Variants in HPSE2 observed in about 807,000 individuals in gnomAD.
HPSE2 encodes the protein heparanase 2 (inactive).
Under a neutral mutation model 60.5 loss-of-function variants are expected in HPSE2, and 38 were observed. The observed-to-expected ratio is 0.63, with a 90% CI of 0.48 to 0.82. The LOEUF (loss-of-function observed/expected upper bound fraction) is 0.82, where lower values mean the gene tolerates loss of function less well. Among genes scored for constraint, HPSE2 ranks in the 40% least tolerant of loss-of-function variants. The pLI is 0.00. For synonymous variants in HPSE2, 295 were observed against 293.2 expected, an observed-to-expected ratio of 1.01 and a Z score of -0.06; for missense variants, 713 against 740.4, an observed-to-expected ratio of 0.96 and a Z score of 0.43.
chr10:98,685,262 C>A (rs1403177330), intron 6 of HPSE2, among the ~76,000 whole-genome samples: 1 of 152,082 alleles, frequency 6.6e-6, no homozygotes, highest in Non-Finnish European at 1.5e-5. Flanking sequence ...ATTTATGGTT[C>A]TTTTTCTTAT....
intron 9 of HPSE2, among the ~76,000 whole-genome samples, chr10:98,574,501 G>A (rs1415945862): frequency 1.3e-5 from 2 of 152,112 alleles, no homozygotes; most frequent in Non-Finnish European, 2.9e-5. Context: ...AGAGAAGCAG[G>A]AGCTTTCCTT....
At chr10:98,566,134 C>A (rs956162569) in intron 9 of HPSE2, among the ~76,000 whole-genome samples, 1 of 152,182 alleles carries the variant, frequency 6.6e-6, no homozygotes, top group African/African-American at 2.4e-5. Flanking sequence ...AATACACATT[C>A]TCTTCTTGAA....
intron 6 of HPSE2, among the ~76,000 whole-genome samples, chr10:98,682,111 T>C (rs1947801436): frequency 6.6e-6 from 1 of 152,156 alleles, no homozygotes; most frequent in Admixed American, 6.5e-5. Context: ...TGGGGGCGGA[T>C]TTCTCATGAA....
chr10:98,615,623 AGG>A (rs1199698180), intron 8 of HPSE2, among the ~76,000 whole-genome samples: 1 of 152,194 alleles, frequency 6.6e-6, no homozygotes. Flanking sequence ...TTTGCAGTGG[AGG>A]ACCTGCACTG....
chr10:98,824,496 T>C (rs1173660075), intron 3 of HPSE2, among the ~76,000 whole-genome samples: 1 of 152,216 alleles, frequency 6.6e-6, no homozygotes, highest in Non-Finnish European at 1.5e-5. Flanking sequence ...TGCTAATGTC[T>C]CTTACTATCA....
rs558746050 is a variant in HPSE2, at chr10:98,898,253, T to C, written c.611-154197A>G. 9.8e-5 allele frequency among the ~76,000 whole-genome samples: 15 copies of C among 152,300 alleles called. No individual in the cohort carries two copies. The South Asian group carries it at 3.1e-3, about 32-fold the overall frequency. ...TATTCACCCAACTGATTTGAATGTTTCAGTCCACAAAGAAACCCTACATGT... is the reference window on the plus strand; with the variant it reads ...TATTCACCCAACTGATTTGAATGTTCCAGTCCACAAAGAAACCCTACATGT... On this transcript the variant is annotated intron_variant, in intron 3 of 11. Transcript: ENST00000370552.
At chr10:98,777,718 C>T (rs936408178) in intron 3 of HPSE2, among the ~76,000 whole-genome samples, 10 of 152,116 alleles carry the variant, frequency 6.6e-5, no homozygotes, top group South Asian at 2.1e-4. Flanking sequence ...TGCATTTAGA[C>T]GAGCAACCCA....
rs1949566560 is a variant in HPSE2, at chr10:98,744,039, GT to G, written c.627del (p.Lys209AsnfsTer13). The G allele has an allele frequency of 1.2e-6, 2 of 1,613,956 alleles. No individual in the cohort carries two copies. The highest frequency in any genetic ancestry group is 1.1e-5 in the South Asian group (1 of 91,076). ...CCAGAGCAATCAGCAAAGTTATAAAGTTTGTCTAGAGACCTGGCTGGGAAGA... is the reference window on the plus strand; with the variant it reads ...CCAGAGCAATCAGCAAAGTTATAAAGTTGTCTAGAGACCTGGCTGGGAAGA... ...NLILTARSLD[K>X]LYNFADCSGL... On this transcript the variant is annotated frameshift_variant, in exon 4 of 12. Transcript: ENST00000370552. LOFTEE classifies it high-confidence loss of function.
chr10:98,797,031 C>T (rs764922588), intron 3 of HPSE2, among the ~76,000 whole-genome samples: 5 of 152,134 alleles, frequency 3.3e-5, no homozygotes, highest in Non-Finnish European at 5.9e-5. Context: ...CGCAAATAAG[C>T]CCAGACTGTG....
intron 9 of HPSE2, among the ~76,000 whole-genome samples, chr10:98,568,097 CTTAGGT>C (rs1031874064): frequency 1.4e-4 from 21 of 152,282 alleles, no homozygotes; most frequent in East Asian, 7.7e-4. Context: ...TTTTATCAGA[CTTAGGT>C]AGCAGACTTT....
chr10:98,773,071 A>C (rs1161826885), intron 3 of HPSE2, among the ~76,000 whole-genome samples: 3 of 152,112 alleles, frequency 2.0e-5, no homozygotes, highest in African/African-American at 4.8e-5. Context: ...TCCTATGGTG[A>C]TCTGTTTCAA....
chr10:98,592,377 T>C (rs1233597417), intron 9 of HPSE2, among the ~76,000 whole-genome samples: 2 of 152,230 alleles, frequency 1.3e-5, no homozygotes, highest in African/African-American at 4.8e-5. Context: ...AAATGTCTTA[T>C]AGTTTACGTA....
At chr10:98,503,978 A>C (rs1942111406) in intron 9 of HPSE2, among the ~76,000 whole-genome samples, 1 of 152,228 alleles carries the variant, frequency 6.6e-6, no homozygotes, top group Non-Finnish European at 1.5e-5. Context: ...TCATGTAACC[A>C]AATACCACCT....
At chr10:99,150,128 C>A (rs987949548) in intron 2 of HPSE2, among the ~76,000 whole-genome samples, 3 of 152,146 alleles carry the variant, frequency 2.0e-5, no homozygotes, top group African/African-American at 7.2e-5. Flanking sequence ...AAGGAGCGGG[C>A]ATCTTGCACC....
chr10:98,953,474 G>A (rs553129953), intron 3 of HPSE2, among the ~76,000 whole-genome samples: 2 of 152,208 alleles, frequency 1.3e-5, no homozygotes, highest in Admixed American at 6.5e-5. Context: ...CTCTGCTCAC[G>A]CTGCCTAGGT....
chr10:98,646,153 C>T (rs1167595951), intron 6 of HPSE2, among the ~76,000 whole-genome samples: 1 of 152,024 alleles, frequency 6.6e-6, no homozygotes, highest in African/African-American at 2.4e-5. Flanking sequence ...AAGCTTCTTC[C>T]CAGTTACAGA....
Position 98,646,831 on chromosome 10 carries a change from T to C in HPSE2, c.1005-4891A>G, listed in dbSNP as rs1209474522. Among the ~76,000 whole-genome samples the C allele has an allele frequency of 2.0e-5, 3 of 152,140 alleles. No homozygotes were observed. The East Asian group carries it at 5.8e-4, about 29-fold the overall frequency. On this transcript the variant is annotated intron_variant, in intron 6 of 11. Coordinates refer to ENST00000370552, the MANE Select transcript of HPSE2 (RefSeq NM_021828.5). Reference sequence around the variant, plus strand: ...TTGTAGACGAATTAGAGAATGAACATGAACAAAATAGAAATAGGAAAATGG... The same window carrying C: ...TTGTAGACGAATTAGAGAATGAACACGAACAAAATAGAAATAGGAAAATGG...
At chr10:98,693,181 T>C (rs916102568) in intron 6 of HPSE2, among the ~76,000 whole-genome samples, 2 of 152,216 alleles carry the variant, frequency 1.3e-5, no homozygotes, top group African/African-American at 2.4e-5. Context: ...TGGAAGATAT[T>C]GTGAAATAGA....
chr10:98,658,180 C>G (rs929981577), intron 6 of HPSE2, among the ~76,000 whole-genome samples: 1 of 152,026 alleles, frequency 6.6e-6, no homozygotes, highest in Non-Finnish European at 1.5e-5. Context: ...TCGCCATGCC[C>G]GGGGTACACA....
Sources: allele counts gnomAD v4.1 joint callset (sites outside exome capture counted in the v4.1 genomes callset), GRCh38; gene constraint gnomAD v4.1.1; transcripts MANE v1.5; gene names NCBI Gene and HGNC (gene_info 2026-07-23, HGNC 2026-07-21).